The following HOOK2 variants were observed in gnomAD, a reference collection of about 807,000 sequenced individuals.
HOOK2 encodes the protein hook microtubule tethering protein 2, also known as protein Hook homolog 2.
In HOOK2, 108 loss-of-function variants were observed where a neutral mutation model predicts 111.9. The observed-to-expected ratio is 0.96, with a 90% CI of 0.83 to 1.13. The LOEUF (loss-of-function observed/expected upper bound fraction) is 1.13. Among genes scored for constraint, HOOK2 ranks in the 50% most tolerant of loss-of-function variants. The pLI, the probability that HOOK2 is intolerant of heterozygous loss-of-function variation, is 0.00. For synonymous variants in HOOK2, 405 were observed against 394.3 expected, an observed-to-expected ratio of 1.03 and a Z score of -0.32; for missense variants, 978 against 951.3, an observed-to-expected ratio of 1.03 and a Z score of -0.37.
chr19:12,770,753 G>A (rs1312952309), intron 10 of HOOK2, among the ~76,000 whole-genome samples, 179 bp downstream of exon 10: 1 of 151,818 alleles, frequency 6.6e-6, no homozygotes, highest in Non-Finnish European at 1.5e-5. Flanking sequence ...ATTCAGGATA[G>A]TGCAATGTGG....
rs1486194852 is a variant in HOOK2, at chr19:12,786,831, C to A, written n.42-12606G>T. ...ACATGCTGGCCTGTCCACAGAGACC[C>A]GTGCCCCTCTGTCTGTGCCCCACCA... On this transcript the variant is annotated intron_variant and non_coding_transcript_variant, in intron 3 of 3. Transcript: ENST00000589765. This position sits in a 1 kb window ranked among gnomAD's most constrained non-coding sequence, Gnocchi z 4.3. Among the ~76,000 whole-genome samples the A allele has an allele frequency of 6.6e-6, 1 of 152,180 alleles. No individual in the cohort carries two copies. Among genetic ancestry groups the A allele is most frequent in the African/African-American group, 2.4e-5 (1 of 41,446 alleles).
chr19:12,792,121 G>T (rs1341377695), intron 3 of HOOK2: 1 of 1,599,532 alleles, frequency 6.3e-7, no homozygotes, highest in Admixed American at 1.8e-5. Flanking sequence ...GGGGGTGGCA[G>T]CGGTGGAGGT....
rs1264444098 is a variant in HOOK2, at chr19:12,791,981, T to C, written n.42-17756A>G. 1.9e-6 allele frequency: 3 copies of C among 1,611,442 alleles called. No homozygotes were observed. The highest frequency in any genetic ancestry group is 1.7e-5 in the Admixed American group (1 of 59,826). The stretch of plus-strand genomic sequence containing the variant: ...GCGGCGGTGGCGGCAGCTACTTTTC[T>C]GGTCAGGGCTCGGACACCGGCGCGT... On this transcript the variant is annotated intron_variant and non_coding_transcript_variant, in intron 3 of 3. Coordinates refer to the HOOK2 transcript ENST00000589765. The surrounding 1 kb of genome is among the most constrained non-coding windows in gnomAD (Gnocchi z 7.0).
rs1968696506 is a variant in HOOK2 at position 12,790,201 on chromosome 19, C to T, written n.42-15976G>A. 6.6e-6 allele frequency among the ~76,000 whole-genome samples: 1 copy of T among 152,206 alleles called. No individual in the cohort carries two copies. The highest frequency in any genetic ancestry group is 2.4e-5 in the African/African-American group (1 of 41,456). On this transcript the variant is annotated intron_variant and non_coding_transcript_variant, in intron 3 of 3. Transcript: ENST00000589765. The surrounding 1 kb of genome is among the most constrained non-coding windows in gnomAD (Gnocchi z 7.2). ...GGCGGGCTCCAAGCACCCGGGCCTC[C>T]GCGGGGGCTCGCACGCCCAGGTTCC...
chr19:12,769,981 T>A lies in HOOK2; in HGVS notation c.1004A>T (p.Glu335Val). 6.5e-7 allele frequency: 1 copy of A among 1,550,016 alleles called. No individual in the cohort carries two copies. Among genetic ancestry groups the A allele is most frequent in the Non-Finnish European group, 8.7e-7 (1 of 1,153,588 alleles). ...RELRRQVRQL[E>V]ERNAGHAERT... The stretch of plus-strand genomic sequence containing the variant: ...CTCGGCGTGGCCGGCGTTGCGTTCC[T>A]CCAGCTGCCGCACCTGCCGCCGCAG... Residue 335 changes from glutamate to valine, a missense_variant, in exon 11 of 23, where the codon GAG (glutamate) becomes GTG (valine). Glu to Val is a moderately radical substitution (Grantham distance 121, BLOSUM62 -2). Around this residue, in one of 5 missense-constraint regions of HOOK2, gnomAD observed 388 missense variants for 358.3 expected, o/e 1.08. Coordinates refer to ENST00000397668, the MANE Select transcript of HOOK2 (RefSeq NM_013312.3).
At chr19:12,766,879 G>A (rs1000203641) in intron 14 of HOOK2, among the ~76,000 whole-genome samples, 9 of 152,082 alleles carry the variant, frequency 5.9e-5, no homozygotes, top group Non-Finnish European at 1.5e-5. Context: ...CACCGCGCCC[G>A]GTCGTTTTTC....
At chr19:12,772,055 G>C in intron 7 of HOOK2, 135 bp downstream of exon 7, 1 of 711,340 alleles carries the variant, frequency 1.4e-6, no homozygotes. Flanking sequence ...AGGCTACCCT[G>C]AGCATCTGTA....
chr19:12,770,012 T>A lies in HOOK2; in HGVS notation c.973A>T (p.Arg325Trp), dbSNP rs768317674. Residue 325 changes from arginine (R) to tryptophan (W), a missense_variant, in exon 11 of 23, where the codon AGG (arginine) becomes TGG (tryptophan). Around this residue, in one of 5 missense-constraint regions of HOOK2, gnomAD observed 388 missense variants for 358.3 expected, o/e 1.08. Coordinates refer to ENST00000397668, the MANE Select transcript of HOOK2 (RefSeq NM_013312.3). The part of the protein sequence containing the change: ...TSCRRRLGEL[R>W]ELRRQVRQLE... ...TGCCGCACCTGCCGCCGCAGCTCCC[T>A]CAGCTCGCCCAAGCGGCGCCGGCAA... The A allele has an allele frequency of 1.9e-6, 3 of 1,542,686 alleles. No homozygotes were observed. The highest frequency in any genetic ancestry group is 2.6e-6 in the Non-Finnish European group (3 of 1,147,892).
chr19:12,771,226 C>G lies in HOOK2; in HGVS notation c.694G>C (p.Gly232Arg). 6.2e-7 allele frequency: 1 copy of G among 1,611,436 alleles called. No individual in the cohort carries two copies. The highest frequency in any genetic ancestry group is 8.5e-7 in the Non-Finnish European group (1 of 1,178,916). Residue 232 changes from glycine (G) to arginine (R), a missense_variant, in exon 9 of 23, where the codon GGT (glycine) becomes CGT (arginine). Transcript: ENST00000397668. Reference sequence around the variant, plus strand: ...AGCAGCAGCTTCTTGGCAGTGAGACCTGGGGTACCCTCGCCTTCAGGCCGG... The same window carrying G: ...AGCAGCAGCTTCTTGGCAGTGAGACGTGGGGTACCCTCGCCTTCAGGCCGG... ...MGRPEGEGTP[G>R]LTAKKLLLLQ...
At chr19:12,768,726 A>C (rs937665005) in intron 11 of HOOK2, among the ~76,000 whole-genome samples, 1 of 151,986 alleles carries the variant, frequency 6.6e-6, no homozygotes, top group Non-Finnish European at 1.5e-5. Flanking sequence ...TCCCATCTCA[A>C]CCTCTCAAAG....
Position 12,763,519 on chromosome 19 carries a change from C to T in HOOK2, c.2010+9G>A. 1.9e-6 allele frequency: 3 copies of T among 1,614,234 alleles called. No individual in the cohort carries two copies. Among genetic ancestry groups the T allele is most frequent in the Non-Finnish European group, 1.7e-6 (2 of 1,180,046 alleles). Reference sequence around the variant, plus strand: ...CCATGAGATCTTAGAGCCCAGACCCCACACTTACCATATTATACCAGGCAC... The same window carrying T: ...CCATGAGATCTTAGAGCCCAGACCCTACACTTACCATATTATACCAGGCAC... On this transcript the variant is annotated intron_variant, in intron 22 of 22. Transcript: ENST00000397668.
chr19:12,764,812 A>T lies in HOOK2; in HGVS notation c.1827+2T>A. The T allele has an allele frequency of 6.2e-7, 1 of 1,612,046 alleles. No homozygotes were observed. Among genetic ancestry groups the T allele is most frequent in the Non-Finnish European group, 8.5e-7 (1 of 1,178,830 alleles). ...ACTTGTGGGAACACCCAGCGTCCTCACCATGCGGGCCTTGTCCACGTAGCG... is the reference window on the plus strand; with the variant it reads ...ACTTGTGGGAACACCCAGCGTCCTCTCCATGCGGGCCTTGTCCACGTAGCG... On this transcript the variant is annotated splice_donor_variant, in intron 20 of 22. Transcript: ENST00000397668. LOFTEE classifies it high-confidence loss of function.
chr19:12,774,331 CCTGG>C (rs1457135723), intron 3 of HOOK2: 1 of 360,714 alleles, frequency 2.8e-6, no homozygotes, highest in African/African-American at 2.1e-5. Flanking sequence ...GTCTTGAACT[CCTGG>C]CCCCAGGTGA....
chr19:12,764,793 G>GA, intron 20 of HOOK2, 21 bp downstream of exon 20: 3 of 1,602,104 alleles, frequency 1.9e-6, no homozygotes, highest in Non-Finnish European at 2.6e-6. Flanking sequence ...GGCAACTTGT[G>GA]GGAACACCCA....
chr19:12,775,768 T>C (rs1037734626), upstream of HOOK2: 12 of 290,720 alleles, frequency 4.1e-5, no homozygotes, highest in Admixed American at 3.2e-4. Context: ...ATCCTCGCCC[T>C]GGCCCTTTTT....
chr19:12,767,744 C>T lies in HOOK2; in HGVS notation c.1303+72G>A, dbSNP rs1968197307. ...GCTCTGTCCCCAACCTAGACATGCA[C>T]TGGGACACAACCTGTTCTACCCAAA... is the stretch of plus-strand genomic sequence containing the variant. On this transcript the variant is annotated intron_variant, in intron 13 of 22. Transcript: ENST00000397668. 18 of 1,409,812 alleles carry T rather than the reference C, an allele frequency of 1.3e-5. 1 individual carries two copies. The South Asian group carries it at 2.1e-4, about 16-fold the overall frequency. 87.3% of individuals were successfully genotyped at this position (1,409,812 alleles called of 1,614,324 possible).
intron 3 of HOOK2, 55 bp downstream of exon 3, chr19:12,774,614 C>G (rs549564033): frequency 1.3e-4 from 202 of 1,557,120 alleles, no homozygotes; most frequent in Admixed American, 2.5e-4. Flanking sequence ...CTAGCTGGCC[C>G]GTCCCTGGTC....
rs1002647508 is a variant in HOOK2 at position 12,775,533 on chromosome 19, C to T, written c.-84G>A. On this transcript the variant is annotated 5_prime_UTR_variant, in exon 1 of 23. Coordinates refer to ENST00000397668, the MANE Select transcript of HOOK2 (RefSeq NM_013312.3). ...TCCGCCACCAGCGAGCGCCCGCAGC[C>T]CCGACCTCCCGCTCGGCCTAGAGCG... is the stretch of plus-strand genomic sequence containing the variant. The T allele has an allele frequency of 3.4e-6, 5 of 1,459,456 alleles. No individual in the cohort carries two copies. In the Admixed American group the frequency reaches 8.4e-5, roughly 25 times the overall value. The allele number at this position is 1,459,456 out of a possible 1,614,324, so 90.4% of individuals were successfully genotyped here.
Position 12,766,980 on chromosome 19 carries a change from C to G in HOOK2, c.1373+415G>C, listed in dbSNP as rs190682106. On this transcript the variant is annotated intron_variant, in intron 14 of 22. Coordinates refer to ENST00000397668, the MANE Select transcript of HOOK2 (RefSeq NM_013312.3). The stretch of plus-strand genomic sequence containing the variant: ...CTGGGCTCAAGTGATCCTCCAGCTT[C>G]GGCCTTCCAAAGTGCTGGGACTTAG... Among the ~76,000 whole-genome samples the G allele has an allele frequency of 3.3e-5, 5 of 152,236 alleles. No individual in the cohort carries two copies. The South Asian group carries it at 6.2e-4, about 19-fold the overall frequency.
Sources: gnomAD v4.1 joint callset for allele counts (sites outside exome capture counted in the v4.1 genomes callset) on GRCh38, gnomAD v4.1.1 for gene constraint, gnomAD v4.1.1 regional missense constraint, Gnocchi (gnomAD v3.1) non-coding constraint, MANE v1.5 for transcripts, NCBI Gene and HGNC (gene_info 2026-07-23, HGNC 2026-07-21) for gene names.